The following RALGPS1 variants were observed in gnomAD, a reference collection of about 807,000 sequenced individuals.
RALGPS1 encodes the protein Ral GEF with PH domain and SH3 binding motif 1, also known as ras-specific guanine nucleotide-releasing factor RalGPS1.
In RALGPS1, 19 loss-of-function variants were observed where a neutral mutation model predicts 78.8. The observed-to-expected ratio is 0.24, with a 90% CI of 0.17 to 0.35. The LOEUF is 0.35. Among genes scored for constraint, RALGPS1 ranks in the 10% least tolerant of loss-of-function variants. The probability of loss-of-function intolerance (pLI) is 1.00; values close to 1 mark genes in which losing one functional copy is unlikely to be tolerated. For synonymous variants in RALGPS1, 228 were observed against 256.3 expected, an observed-to-expected ratio of 0.89 and a Z score of 1.06; for missense variants, 454 against 688.3, an observed-to-expected ratio of 0.66 and a Z score of 3.81.
intron 7 of RALGPS1, among the ~76,000 whole-genome samples, chr9:127,065,325 G>A (rs977800914): frequency 2.0e-5 from 3 of 152,066 alleles, no homozygotes; most frequent in Non-Finnish European, 4.4e-5. Context: ...TGTTGGTCAG[G>A]CTGGTCTCAG....
Position 127,205,966 on chromosome 9 carries a change from G to T in RALGPS1, c.1248-6165G>T, listed in dbSNP as rs1356265617. On this transcript the variant is annotated intron_variant, in intron 14 of 18. Transcript: ENST00000259351. The surrounding 1 kb of genome is among the most constrained non-coding windows in gnomAD (Gnocchi z 4.0). ...CTAGGGACCCACTTAGTGAATCAGG[G>T]ACATTGCCCAGAGAAGAGTGGGTGG... is the stretch of plus-strand genomic sequence containing the variant. 6.6e-6 allele frequency among the ~76,000 whole-genome samples: 1 copy of T among 152,212 alleles called. No individual in the cohort carries two copies. Among genetic ancestry groups the T allele is most frequent in the African/African-American group, 2.4e-5 (1 of 41,454 alleles).
At chr9:127,209,538 C>T (rs2062120074) in intron 14 of RALGPS1, among the ~76,000 whole-genome samples, 1 of 152,160 alleles carries the variant, frequency 6.6e-6, no homozygotes, top group Non-Finnish European at 1.5e-5. Context: ...CACCCTGACA[C>T]CCGTTAGGTT....
intron 5 of RALGPS1, among the ~76,000 whole-genome samples, chr9:127,045,313 C>T (rs1225279431): frequency 1.3e-5 from 2 of 152,306 alleles, no homozygotes; most frequent in East Asian, 1.9e-4. Flanking sequence ...TGAACAACCT[C>T]ACTGAGGACA....
At chr9:127,012,074 C>G (rs1180843725) in intron 4 of RALGPS1, among the ~76,000 whole-genome samples, 4 of 152,150 alleles carry the variant, frequency 2.6e-5, no homozygotes, top group Non-Finnish European at 5.9e-5. Context: ...AACCCCGACT[C>G]TCTTGGGAAA....
intron 8 of RALGPS1, among the ~76,000 whole-genome samples, chr9:127,134,712 T>A (rs2057276188): frequency 6.6e-6 from 1 of 152,240 alleles, no homozygotes; most frequent in African/African-American, 2.4e-5. Context: ...TGTTTTTTAC[T>A]GTTGCAATGT....
chr9:127,072,178 A>G (rs984437751), intron 8 of RALGPS1, among the ~76,000 whole-genome samples: 2 of 152,212 alleles, frequency 1.3e-5, no homozygotes, highest in Non-Finnish European at 2.9e-5. Context: ...CTTATTGCCA[A>G]ATAATATTCC....
At chr9:126,961,434 A>G (rs2132110304) in intron 1 of RALGPS1, among the ~76,000 whole-genome samples, 1 of 152,308 alleles carries the variant, frequency 6.6e-6, no homozygotes, top group African/African-American at 2.4e-5. Context: ...TACCCAGGTT[A>G]TTATGGATGA....
At chr9:126,992,927 A>T (rs556105864) in intron 4 of RALGPS1, among the ~76,000 whole-genome samples, 1 of 152,326 alleles carries the variant, frequency 6.6e-6, no homozygotes, top group East Asian at 1.9e-4. Context: ...TGGTGAGTGC[A>T]GATATTCTTG....
intron 1 of RALGPS1, among the ~76,000 whole-genome samples, chr9:126,919,712 TC>T (rs1190699125): frequency 6.6e-6 from 1 of 152,198 alleles, no homozygotes; most frequent in Non-Finnish European, 1.5e-5. Flanking sequence ...TTATTAATAA[TC>T]TGAAATAGAT....
intron 7 of RALGPS1, among the ~76,000 whole-genome samples, chr9:127,063,335 T>C (rs1208986067): frequency 2.6e-5 from 4 of 152,240 alleles, no homozygotes; most frequent in African/African-American, 9.6e-5. Context: ...GTGACCTTCC[T>C]GGCTTTTGAC....
At chr9:126,971,286 A>G (rs2040087744) in intron 3 of RALGPS1, among the ~76,000 whole-genome samples, 1 of 152,116 alleles carries the variant, frequency 6.6e-6, no homozygotes, top group Non-Finnish European at 1.5e-5. Flanking sequence ...TTAAAAAAAA[A>G]AAAGATTTGA....
At chr9:127,180,933 G>C (rs988582390) in intron 11 of RALGPS1, among the ~76,000 whole-genome samples, 1 of 152,266 alleles carries the variant, frequency 6.6e-6, no homozygotes, top group Admixed American at 6.5e-5. Context: ...GCCCCCCACT[G>C]TGGCCTGGGC....
chr9:127,210,724 C>G (rs2062201287), intron 14 of RALGPS1: 1 of 1,550,578 alleles, frequency 6.4e-7, no homozygotes, highest in Non-Finnish European at 8.7e-7. Context: ...ACCCTGGGGC[C>G]CAACTGGCGG....
In RALGPS1 at chr9:127,211,028, G is replaced by A. The variant is rs911626524; in HGVS notation, c.1248-1103G>A. On this transcript the variant is annotated intron_variant, in intron 14 of 18. Coordinates refer to ENST00000259351, the MANE Select transcript of RALGPS1 (RefSeq NM_014636.3). This position sits in a 1 kb window ranked among gnomAD's most constrained non-coding sequence, Gnocchi z 5.0. ...GAGACTGGAAGAATGATAGGAATTC[G>A]CCAAATAATTGGAAGTGGAGGGGCA... Among the ~76,000 whole-genome samples the A allele has an allele frequency of 1.8e-4, 28 of 152,178 alleles. No individual in the cohort carries two copies. The highest frequency in any genetic ancestry group is 8.3e-4 in the South Asian group (4 of 4,828).
chr9:127,183,379 C>G lies in RALGPS1; in HGVS notation c.910+8597C>G, dbSNP rs998466632. ...CCCTGCAGCCCCTTCCATGCCCCCC[C>G]GCAAAGTCTGGTGCCCACTGCCAGC... is the stretch of plus-strand genomic sequence containing the variant. On this transcript the variant is annotated intron_variant, in intron 11 of 18. Coordinates refer to ENST00000259351, the MANE Select transcript of RALGPS1 (RefSeq NM_014636.3). The surrounding 1 kb of genome is among the most constrained non-coding windows in gnomAD (Gnocchi z 4.0). 6.6e-6 allele frequency among the ~76,000 whole-genome samples: 1 copy of G among 152,186 alleles called. No individual in the cohort carries two copies. Among genetic ancestry groups the G allele is most frequent in the Non-Finnish European group, 1.5e-5 (1 of 68,026 alleles).
At chr9:127,210,470 AC>A in intron 14 of RALGPS1, 2 of 572,744 alleles carry the variant, frequency 3.5e-6, no homozygotes, top group Admixed American at 6.2e-5. Flanking sequence ...TGAAAGAATT[AC>A]GCGGAGACTT....
At chr9:126,966,105 A>G (rs1056860495) in intron 3 of RALGPS1, among the ~76,000 whole-genome samples, 154 bp downstream of exon 3, 1 of 152,254 alleles carries the variant, frequency 6.6e-6, no homozygotes, top group Admixed American at 6.5e-5. Context: ...TGTGAAATAC[A>G]ATGCAGCATT....
Position 127,001,562 on chromosome 9 carries a change from G to A in RALGPS1, c.216+23817G>A, listed in dbSNP as rs192988260. Among the ~76,000 whole-genome samples the A allele has an allele frequency of 2.6e-3, 395 of 152,148 alleles. 2 individuals carry two copies. The highest frequency in any genetic ancestry group is 9.1e-3 in the African/African-American group (376 of 41,520). On this transcript the variant is annotated intron_variant, in intron 4 of 18. Coordinates refer to ENST00000259351, the MANE Select transcript of RALGPS1 (RefSeq NM_014636.3). Reference sequence around the variant, plus strand: ...ATTTACCTCCGTCCTATTCTTTGCAGTATTGTTGTCATACATTTTTCTTCT... The same window carrying A: ...ATTTACCTCCGTCCTATTCTTTGCAATATTGTTGTCATACATTTTTCTTCT...
intron 8 of RALGPS1, among the ~76,000 whole-genome samples, chr9:127,134,428 C>T (rs2057254095): frequency 6.6e-6 from 1 of 152,166 alleles, no homozygotes; most frequent in Admixed American, 6.5e-5. Flanking sequence ...CACCTAAGAC[C>T]CCTTTCATTA....
Sources: gnomAD v4.1 joint callset for allele counts (sites outside exome capture counted in the v4.1 genomes callset) on GRCh38, gnomAD v4.1.1 for gene constraint, Gnocchi (gnomAD v3.1) non-coding constraint, MANE v1.5 for transcripts, NCBI Gene and HGNC (gene_info 2026-07-23, HGNC 2026-07-21) for gene names.